ZSCAN5A: variants seen among roughly 807,000 people sequenced by gnomAD.
ZSCAN5A encodes the protein zinc finger and SCAN domain containing 5A, also known as zinc finger and SCAN domain-containing protein 5A.
In ZSCAN5A, 12 loss-of-function variants were observed where a neutral mutation model predicts 23.7. The ratio of observed to expected loss-of-function variants is 0.51; its 90% CI spans 0.32 to 0.82. ZSCAN5A has a LOEUF of 0.82. ZSCAN5A is among the 40% of genes least tolerant of loss of function. ZSCAN5A has a pLI of 0.03. For synonymous variants in ZSCAN5A, 257 were observed against 239.9 expected (o/e 1.07, Z -0.66); for missense variants, 597 against 617.9 (o/e 0.97, Z 0.36).
rs534965233 is a variant in ZSCAN5A, at chr19:56,245,529, C to G, written c.-127-20356G>C. ...TGAGAGATTTGGCACAGGACAAGAACAGAGACATTCCCCATGGATGTGTTA... is the reference window on the plus strand; with the variant it reads ...TGAGAGATTTGGCACAGGACAAGAAGAGAGACATTCCCCATGGATGTGTTA... On this transcript the variant is annotated intron_variant, in intron 2 of 5. Transcript: ENST00000683990. The G allele has an allele frequency of 1.6e-5, 6 of 363,872 alleles. No homozygotes were observed. In the East Asian group the frequency reaches 2.9e-4, roughly 18 times the overall value. The allele number at this position is 363,872 out of a possible 1,614,324, so 22.5% of individuals were successfully genotyped here.
At chr19:56,316,185 A>G (rs962214485), upstream of ZSCAN5A, 1 of 152,186 alleles carries the variant, frequency 6.6e-6, no homozygotes, top group African/African-American at 2.4e-5. Flanking sequence ...GTGAAAATGG[A>G]TGGGGATGAA....
chr19:56,223,614 A>G lies in ZSCAN5A; in HGVS notation c.588+17T>C, dbSNP rs769578790. On this transcript the variant is annotated intron_variant, in intron 4 of 5. Transcript: ENST00000683990. ...TTCTCCCACCTCTGCCCAGACACCA[A>G]GGCCTCACACACTCACCTGCCTCCT... is the stretch of plus-strand genomic sequence containing the variant. 1.2e-6 allele frequency: 2 copies of G among 1,611,556 alleles called. No individual in the cohort carries two copies. Among genetic ancestry groups the G allele is most frequent in the Non-Finnish European group, 1.7e-6 (2 of 1,179,242 alleles).
At chr19:56,343,169 T>C (rs1035791184) in intron 2 of ZSCAN5A, 2 of 722,324 alleles carry the variant, frequency 2.8e-6, no homozygotes, top group Non-Finnish European at 5.0e-6. Context: ...TCTAATTGCT[T>C]TATTGAAACT....
At chr19:56,260,017 T>C (rs904325424) in intron 2 of ZSCAN5A, among the ~76,000 whole-genome samples, 3 of 152,040 alleles carry the variant, frequency 2.0e-5, no homozygotes, top group Admixed American at 2.0e-4. Context: ...ATAAAAAATG[T>C]TTTTAAAAAG....
At chr19:56,252,448 A>T (rs2036410987) in intron 2 of ZSCAN5A, among the ~76,000 whole-genome samples, 1 of 152,186 alleles carries the variant, frequency 6.6e-6, no homozygotes, top group South Asian at 2.1e-4. Context: ...GGATTTCTGA[A>T]GAGAGCAGAG....
intron 2 of ZSCAN5A, among the ~76,000 whole-genome samples, chr19:56,255,610 C>CA (rs755136789): frequency 6.8e-6 from 1 of 147,028 alleles, no homozygotes; most frequent in African/African-American, 2.5e-5. Flanking sequence ...TTCCCTTTGG[C>CA]TTTTTTTTTT....
intron 2 of ZSCAN5A, chr19:56,302,756 T>C: frequency 2.8e-6 from 1 of 358,990 alleles, no homozygotes; most frequent in Non-Finnish European, 5.0e-6. Flanking sequence ...TTCTCCCTTC[T>C]GCACTAACAC....
At chr19:56,325,550 T>C (rs1330090363) in intron 2 of ZSCAN5A, among the ~76,000 whole-genome samples, 2 of 152,200 alleles carry the variant, frequency 1.3e-5, no homozygotes, top group African/African-American at 4.8e-5. Context: ...CTTTTATCCC[T>C]GCCTGAAAAC....
At chr19:56,260,460 C>T (rs1309090688) in intron 2 of ZSCAN5A, among the ~76,000 whole-genome samples, 3 of 151,902 alleles carry the variant, frequency 2.0e-5, no homozygotes, top group East Asian at 1.9e-4. Flanking sequence ...GTGATCCGCC[C>T]GCCTCGGCCT....
At chr19:56,335,685 G>T (rs1219445742) in intron 2 of ZSCAN5A, among the ~76,000 whole-genome samples, 2 of 152,134 alleles carry the variant, frequency 1.3e-5, no homozygotes, top group Non-Finnish European at 2.9e-5. Flanking sequence ...AGCCTTGATG[G>T]TCTTTACAAT....
upstream of ZSCAN5A, among the ~76,000 whole-genome samples, chr19:56,319,236 G>T (rs1245524306): frequency 6.6e-6 from 1 of 151,996 alleles, no homozygotes; most frequent in South Asian, 2.1e-4. Context: ...AGTGGCTCAC[G>T]ACTGTAATCC....
intron 2 of ZSCAN5A, chr19:56,244,336 G>T (rs1233760729): frequency 6.2e-7 from 1 of 1,604,814 alleles, no homozygotes; most frequent in Non-Finnish European, 8.5e-7. Context: ...CCATGCCCCA[G>T]GAGCTCCAGG....
In ZSCAN5A at chr19:56,292,451, G is replaced by GTTTTTACTTTTTTTTTTTT. The variant is rs773199120; in HGVS notation, c.-128+20813_-128+20831dup. ...CTAATTATTTTTGGTTTTTTTGTCT[G>GTTTTTACTTTTTTTTTTTT]TTTTTACTTTTTTTTTTTTTACTTT... is the stretch of plus-strand genomic sequence containing the variant. On this transcript the variant is annotated intron_variant, in intron 2 of 5. Transcript: ENST00000683990. Among the ~76,000 whole-genome samples the GTTTTTACTTTTTTTTTTTT allele has an allele frequency of 1.9e-4, 28 of 144,770 alleles. No homozygotes were observed. The Middle Eastern group carries it at 0.012, about 61-fold the overall frequency. 95.0% of individuals were successfully genotyped at this position (144,770 alleles called of 152,430 possible). A position where few individuals can be genotyped will look rare whatever the true frequency, so the allele number is the denominator to read the frequency against.
At chr19:56,223,855 A>G (rs1169009636) in intron 3 of ZSCAN5A, 21 bp from the exon 4 acceptor site, 1 of 1,600,844 alleles carries the variant, frequency 6.2e-7, no homozygotes, top group African/African-American at 1.3e-5. Flanking sequence ...AAAAAAGACA[A>G]TCAGACTCAC....
intron 2 of ZSCAN5A, among the ~76,000 whole-genome samples, chr19:56,332,890 A>C (rs1372338885): frequency 6.6e-6 from 1 of 152,172 alleles, no homozygotes; most frequent in Non-Finnish European, 1.5e-5. Flanking sequence ...TGTCTGTAAA[A>C]TATTTTATTT....
chr19:56,331,578 C>CT (rs68085541), intron 2 of ZSCAN5A, among the ~76,000 whole-genome samples: 5,366 of 48,952 alleles, frequency 0.11, 2,134 homozygotes, highest in African/African-American at 0.23. Context: ...GAATTGCATT[C>CT]TTTTTTTTTT....
intron 3 of ZSCAN5A, chr19:56,224,405 C>G (rs549682696): frequency 3.5e-6 from 2 of 569,712 alleles, no homozygotes; most frequent in Non-Finnish European, 3.0e-6. Context: ...CGTCTCAGCA[C>G]AGCTGATATT....
intron 2 of ZSCAN5A, chr19:56,310,504 T>C (rs889377855): frequency 6.6e-6 from 1 of 152,312 alleles, no homozygotes; most frequent in Non-Finnish European, 1.5e-5. Context: ...CTAACAGGTA[T>C]GCTGGTGGAT....
intron 2 of ZSCAN5A, among the ~76,000 whole-genome samples, chr19:56,285,759 A>G (rs11880422): frequency 0.19 from 29,158 of 151,766 alleles, 2,930 homozygotes; most frequent in Middle Eastern, 0.35. Context: ...GATTACAGGC[A>G]TGAGCCATCA....
Sources: allele counts gnomAD v4.1 joint callset (sites outside exome capture counted in the v4.1 genomes callset), GRCh38; gene constraint gnomAD v4.1.1; transcripts MANE v1.5; gene names NCBI Gene and HGNC (gene_info 2026-07-23, HGNC 2026-07-21).